LRRC55: variants seen among roughly 807,000 people sequenced by gnomAD.
LRRC55 encodes the protein leucine-rich repeat-containing protein 55.
Under a neutral mutation model 20.5 loss-of-function variants are expected in LRRC55, and 11 were observed. The observed-to-expected ratio is 0.54, with a 90% CI of 0.34 to 0.89. The LOEUF (loss-of-function observed/expected upper bound fraction) is 0.89, where lower values mean the gene tolerates loss of function less well. Ranked by LOEUF, LRRC55 falls within the 40% of genes least tolerant of loss-of-function variation. LRRC55 has a pLI of 0.02. For synonymous variants in LRRC55, 188 were observed against 166.6 expected, an observed-to-expected ratio of 1.13 and a Z score of -0.99; for missense variants, 358 against 390.9, an observed-to-expected ratio of 0.92 and a Z score of 0.71.
Position 57,187,211 on chromosome 11 carries a change from G to T in LRRC55, c.662-34G>T, listed in dbSNP as rs769594944. The T allele has an allele frequency of 2.5e-6, 4 of 1,589,954 alleles. No individual in the cohort carries two copies. The East Asian group carries it at 8.9e-5, about 36-fold the overall frequency. ...ACTTTCCAATCCCCTCTCCTTCCCT[G>T]GGTACCTCACCCTCCCTGGCTTCTG... is the stretch of plus-strand genomic sequence containing the variant. On this transcript the variant is annotated intron_variant, in intron 1 of 1. Transcript: ENST00000497933.
chr11:57,184,449 A>G (rs1027574566), intron 1 of LRRC55, among the ~76,000 whole-genome samples: 9 of 152,338 alleles, frequency 5.9e-5, no homozygotes, highest in African/African-American at 2.2e-4. Flanking sequence ...AGAAGGGGAC[A>G]GTGACTGTCC....
At position 57,187,624 on chromosome 11, in the gene LRRC55, G is replaced by A. The variant is rs147547125; in HGVS notation, c.*144G>A. 198 of 776,122 alleles carry A rather than the reference G, an allele frequency of 2.6e-4. 2 individuals carry two copies. In the African/African-American group the frequency reaches 2.9e-3, roughly 11 times the overall value. 48.1% of individuals were successfully genotyped at this position (776,122 alleles called of 1,614,324 possible). On this transcript the variant is annotated 3_prime_UTR_variant, in exon 2 of 2. Coordinates refer to ENST00000497933, the MANE Select transcript of LRRC55 (RefSeq NM_001005210.4). ...CAAGGTGGGGACACTCATTTTGTAT[G>A]AGCATCTGCTTTGGGCCAGGCGGCA... is the stretch of plus-strand genomic sequence containing the variant.
chr11:57,182,722 C>T, intron 1 of LRRC55, 39 bp downstream of exon 1: 2 of 1,428,510 alleles, frequency 1.4e-6, no homozygotes, highest in South Asian at 3.8e-5. Flanking sequence ...ACAGGGAGGG[C>T]TTGCCTCAAT....
chr11:57,182,052 G>C lies in LRRC55; in HGVS notation c.30G>C (p.Trp10Cys). ...GTGACACTTGGGCCCAGCTTCCCTG[G>C]CCCGGGCCACCCCACCCAGCAATGC... MGDTWAQLP[W>C]PGPPHPAMLL... Residue 10 changes from tryptophan to cysteine, a missense_variant, in exon 1 of 2, where the codon TGG (tryptophan) becomes TGC (cysteine). Trp to Cys is a radical substitution (Grantham distance 215, BLOSUM62 -2). Coordinates refer to ENST00000497933, the MANE Select transcript of LRRC55 (RefSeq NM_001005210.4). 4 of 1,614,126 alleles carry C rather than the reference G, an allele frequency of 2.5e-6. No homozygotes were observed. Among genetic ancestry groups the C allele is most frequent in the Non-Finnish European group, 3.4e-6 (4 of 1,180,022 alleles).
Position 57,188,865 on chromosome 11 carries a change from G to T in LRRC55, c.*1385G>T, listed in dbSNP as rs1854469529. On this transcript the variant is annotated 3_prime_UTR_variant, in exon 2 of 2. Coordinates refer to ENST00000497933, the MANE Select transcript of LRRC55 (RefSeq NM_001005210.4). The stretch of plus-strand genomic sequence containing the variant: ...ATTCTCACAGCAACACTGCCTGGTG[G>T]TTTTTATTATCCCCATTTGACAGAT... 6.6e-6 allele frequency: 1 copy of T among 152,168 alleles called. No homozygotes were observed. The highest frequency in any genetic ancestry group is 1.5e-5 in the Non-Finnish European group (1 of 68,036). 9.4% of individuals were successfully genotyped at this position (152,168 alleles called of 1,614,324 possible). A position where few individuals can be genotyped will look rare whatever the true frequency, so the allele number is the denominator to read the frequency against.
rs1854463949 is a variant in LRRC55 at position 57,188,424 on chromosome 11, C to T, written c.*944C>T. The T allele has an allele frequency of 6.6e-6, 1 of 152,638 alleles. No homozygotes were observed. Among genetic ancestry groups the T allele is most frequent in the Non-Finnish European group, 1.5e-5 (1 of 68,114 alleles). 9.5% of individuals were successfully genotyped at this position (152,638 alleles called of 1,614,324 possible). A position where few individuals can be genotyped will look rare whatever the true frequency, so the allele number is the denominator to read the frequency against. On this transcript the variant is annotated 3_prime_UTR_variant, in exon 2 of 2. Transcript: ENST00000497933. ...GGCAGCACCCAGAGCTAAAAGGGGA[C>T]AAAGGCAGCACAGTTATGACCATAT...
chr11:57,183,038 C>T (rs1052306726), intron 1 of LRRC55, among the ~76,000 whole-genome samples: 6 of 152,152 alleles, frequency 3.9e-5, no homozygotes, highest in Non-Finnish European at 5.9e-5. Context: ...ATGAGACCCC[C>T]ATTTTTATTA....
chr11:57,182,239 G>A lies in LRRC55; in HGVS notation c.217G>A (p.Ala73Thr). The A allele has an allele frequency of 6.2e-7, 1 of 1,614,162 alleles. No homozygotes were observed. Among genetic ancestry groups the A allele is most frequent in the Non-Finnish European group, 8.5e-7 (1 of 1,180,024 alleles). Residue 73 changes from alanine (A) to threonine (T), a missense_variant, in exon 1 of 2, where the codon GCC becomes ACC. Physicochemically the swap from Ala to Thr is moderately conservative, Grantham distance 58. Around this residue, in one of 3 missense-constraint regions of LRRC55, gnomAD observed 175 missense variants for 164.5 expected, o/e 1.06. Coordinates refer to ENST00000497933, the MANE Select transcript of LRRC55 (RefSeq NM_001005210.4). ...LPMDTRNLSL[A>T]HNRITAVPPG... ...AATGGACACCCGAAACCTCAGCCTG[G>A]CCCACAACCGCATCACAGCAGTGCC...
chr11:57,182,711 A>G (rs367968002), intron 1 of LRRC55, 28 bp downstream of exon 1: 263 of 1,443,588 alleles, frequency 1.8e-4, no homozygotes, highest in Non-Finnish European at 2.4e-4. Flanking sequence ...CGGGGCAGTC[A>G]ACAGGGAGGG....
rs1227665158 is a variant in LRRC55, at chr11:57,189,151, C to T, written c.*1671C>T. 1 of 152,152 alleles carries T rather than the reference C, an allele frequency of 6.6e-6. No homozygotes were observed. Among genetic ancestry groups the T allele is most frequent in the Non-Finnish European group, 1.5e-5 (1 of 68,054 alleles). The allele number at this position is 152,152 out of a possible 1,614,324, so 9.4% of individuals were successfully genotyped here. ...ATCATTCTCCTTGACTTTTCACATC[C>T]CTGTGCAGGAGGTAAATCAAACATC... On this transcript the variant is annotated 3_prime_UTR_variant, in exon 2 of 2. Coordinates refer to ENST00000497933, the MANE Select transcript of LRRC55 (RefSeq NM_001005210.4).
At chr11:57,183,740 G>A (rs549006899) in intron 1 of LRRC55, among the ~76,000 whole-genome samples, 1 of 152,348 alleles carries the variant, frequency 6.6e-6, no homozygotes, top group South Asian at 2.1e-4. Flanking sequence ...GAGCTGAAAG[G>A]AAGACTGAGA....
At position 57,182,631 on chromosome 11, in the gene LRRC55, C is replaced by T. The variant is rs369145238; in HGVS notation, c.609C>T (p.Thr203=). 7 of 1,519,234 alleles carry T rather than the reference C, an allele frequency of 4.6e-6. No homozygotes were observed. Among genetic ancestry groups the T allele is most frequent in the Non-Finnish European group, 6.2e-6 (7 of 1,134,826 alleles). The allele number at this position is 1,519,234 out of a possible 1,614,324, so 94.1% of individuals were successfully genotyped here. A position where few individuals can be genotyped will look rare whatever the true frequency, so the allele number is the denominator to read the frequency against. The part of the protein sequence containing the change: ...IGGNPWVCGC[T]MEPLLKWLRN... ...GCAATCCCTGGGTGTGTGGCTGCAC[C>T]ATGGAACCCCTGCTGAAGTGGCTGC... Residue 203 remains threonine, a synonymous_variant, in exon 1 of 2, where the codon ACC becomes ACT. Transcript: ENST00000497933.
At chr11:57,186,688 G>T (rs1216869142) in intron 1 of LRRC55, among the ~76,000 whole-genome samples, 1 of 152,306 alleles carries the variant, frequency 6.6e-6, no homozygotes, top group South Asian at 2.1e-4. Context: ...ATGACCAGGA[G>T]GTGTGTGTGG....
rs1224262821 is a variant in LRRC55 at position 57,191,380 on chromosome 11, C to T, written c.*3900C>T. The T allele has an allele frequency of 6.6e-6, 1 of 152,152 alleles. No individual in the cohort carries two copies. The highest frequency in any genetic ancestry group is 1.5e-5 in the Non-Finnish European group (1 of 68,032). The allele number at this position is 152,152 out of a possible 1,614,324, so 9.4% of individuals were successfully genotyped here. On this transcript the variant is annotated 3_prime_UTR_variant, in exon 2 of 2. Coordinates refer to ENST00000497933, the MANE Select transcript of LRRC55 (RefSeq NM_001005210.4). ...TAAAAAGATATATCTTAACCCATTC[C>T]TCAAAAGGACATCTTCCTAAAGCCA...
chr11:57,186,796 A>G (rs189888283), intron 1 of LRRC55, among the ~76,000 whole-genome samples: 218 of 152,324 alleles, frequency 1.4e-3, no homozygotes, highest in Middle Eastern at 3.4e-3. Context: ...CAAAGACAGG[A>G]ATCCAGGGAA....
Position 57,187,499 on chromosome 11 carries a change from C to G in LRRC55, c.*19C>G. On this transcript the variant is annotated 3_prime_UTR_variant, in exon 2 of 2. Transcript: ENST00000497933. ...GATCTGACATGCCTGCCTCTCATCC[C>G]TCCATGCTGCTGACCGCCACAGCTG... The G allele has an allele frequency of 6.2e-7, 1 of 1,604,392 alleles. No individual in the cohort carries two copies.
chr11:57,190,650 A>G lies in LRRC55; in HGVS notation c.*3170A>G, dbSNP rs1854496741. 1 of 152,180 alleles carries G rather than the reference A, an allele frequency of 6.6e-6. No individual in the cohort carries two copies. Among genetic ancestry groups the G allele is most frequent in the African/African-American group, 2.4e-5 (1 of 41,440 alleles). 9.4% of individuals were successfully genotyped at this position (152,180 alleles called of 1,614,324 possible). On this transcript the variant is annotated 3_prime_UTR_variant, in exon 2 of 2. Coordinates refer to ENST00000497933, the MANE Select transcript of LRRC55 (RefSeq NM_001005210.4). ...CCGCTGACTTGGGACAGATCTCTCT[A>G]GAACTTGGGTTCAGTTCTCTGACAT... is the stretch of plus-strand genomic sequence containing the variant.
chr11:57,184,977 T>G (rs912223454), intron 1 of LRRC55, among the ~76,000 whole-genome samples: 5 of 152,302 alleles, frequency 3.3e-5, no homozygotes, highest in African/African-American at 4.8e-5. Context: ...GAGAGGATCC[T>G]GGCCTGGGCA....
intron 1 of LRRC55, 115 bp from the exon 2 acceptor site, chr11:57,187,130 T>A: frequency 2.2e-6 from 2 of 918,190 alleles, no homozygotes; most frequent in East Asian, 2.4e-5. Context: ...TCTTGGCACA[T>A]GGAAGAACTT....
Sources: allele counts gnomAD v4.1 joint callset (sites outside exome capture counted in the v4.1 genomes callset), GRCh38; gene constraint gnomAD v4.1.1; regional missense constraint gnomAD v4.1.1; transcripts MANE v1.5; gene names NCBI Gene and HGNC (gene_info 2026-07-23, HGNC 2026-07-21).